Variants in TRMT5 observed in about 807,000 individuals in gnomAD.
TRMT5 encodes the protein tRNA (guanine(37)-N(1))-methyltransferase.
A neutral mutation model predicts 42.2 loss-of-function variants in TRMT5; 31 were observed. The ratio of observed to expected loss-of-function variants is 0.73; its 90% CI spans 0.55 to 0.99. The LOEUF (loss-of-function observed/expected upper bound fraction) is 0.99, where lower values mean the gene tolerates loss of function less well. Ranked by LOEUF, TRMT5 falls within the 50% of genes least tolerant of loss-of-function variation. TRMT5 has a pLI of 0.00. For missense variants in TRMT5, 568 were observed against 595.0 expected (o/e 0.95, Z 0.47); for synonymous variants, 198 against 209.6 (o/e 0.94, Z 0.48).
intron 1 of TRMT5, 121 bp downstream of exon 1, chr14:60,980,842 A>G (rs2139649067): frequency 6.9e-7 from 1 of 1,457,640 alleles, no homozygotes; most frequent in Non-Finnish European, 9.5e-7. Flanking sequence ...TAAGCTCAGC[A>G]CCTAGGCGGG....
In TRMT5 at chr14:60,979,412, A is replaced by G. The variant is rs749718907; in HGVS notation, c.486T>C (p.Leu162=). ...ATTTAGAGATCTGTGGACTGACATT[A>G]AGCTGCTCTAAAACACTGAGTTCTG... ...EKAELSVLEQ[L]NVSPQISKYN... The change falls in exon 2 of 5, where the codon CTT becomes CTC. Residue 162 remains leucine, a synonymous_variant. Coordinates refer to ENST00000261249, the MANE Select transcript of TRMT5 (RefSeq NM_020810.3). 5.0e-6 allele frequency: 8 copies of G among 1,614,138 alleles called. No individual in the cohort carries two copies. The Admixed American group carries it at 1.3e-4, about 27-fold the overall frequency.
In TRMT5 at chr14:60,976,124, A is replaced by T; in HGVS notation, c.795T>A (p.Val265=). The change falls in exon 4 of 5, where the codon GTT becomes GTA. Residue 265 remains valine, a splice_region_variant and synonymous_variant. Coordinates refer to ENST00000261249, the MANE Select transcript of TRMT5 (RefSeq NM_020810.3). The part of the protein sequence containing the change: ...LSGEQNMMTK[V]RENNYTYEFD... ...ATTCATAGGTGTAGTTGTTTTCTCG[A>T]ACCTGAAAAAAGGTGTTATGCTTTT... 1 of 1,600,276 alleles carries T rather than the reference A, an allele frequency of 6.2e-7. No individual in the cohort carries two copies. The highest frequency in any genetic ancestry group is 8.5e-7 in the Non-Finnish European group (1 of 1,173,490).
intron 2 of TRMT5, 78 bp from the exon 3 acceptor site, chr14:60,977,716 A>G (rs2036865493): frequency 7.2e-7 from 1 of 1,386,986 alleles, no homozygotes; most frequent in Admixed American, 2.4e-5. Flanking sequence ...ATGAAACAGA[A>G]ATGAGTTGTA....
chr14:60,979,847 C>T lies in TRMT5; in HGVS notation c.51G>A (p.Leu17=), dbSNP rs755289055. ...WRPFGFSGRF[L]KLESHSITES... ...CAGTTATGCTATGGCTTTCCAGTTTCAGAAATCTTCCTGAGAATCCAAATG... is the reference window on the plus strand; with the variant it reads ...CAGTTATGCTATGGCTTTCCAGTTTTAGAAATCTTCCTGAGAATCCAAATG... Residue 17 remains leucine (L), a synonymous_variant, in exon 2 of 5, where the codon CTG becomes CTA. Coordinates refer to ENST00000261249, the MANE Select transcript of TRMT5 (RefSeq NM_020810.3). 1 of 1,587,018 alleles carries T rather than the reference C, an allele frequency of 6.3e-7. No individual in the cohort carries two copies. Among genetic ancestry groups the T allele is most frequent in the East Asian group, 2.3e-5 (1 of 44,252 alleles).
chr14:60,978,494 G>A (rs1401605455), intron 2 of TRMT5, among the ~76,000 whole-genome samples: 3 of 152,170 alleles, frequency 2.0e-5, no homozygotes, highest in Non-Finnish European at 4.4e-5. Flanking sequence ...AGTTTGAAAT[G>A]AGGAATGAAA....
chr14:60,971,588 G>A lies in TRMT5; in HGVS notation c.*3521C>T, dbSNP rs1958281. On this transcript the variant is annotated 3_prime_UTR_variant, in exon 5 of 5. Transcript: ENST00000261249. ...TTCAATGGACTACCAAAAATCAGCC[G>A]CTATAAAACCCAATGAAGTCCTCAT... 0.92 allele frequency: 163,835 copies of A among 177,264 alleles called. 76,318 individuals are homozygous for A. Among genetic ancestry groups the A allele is most frequent in the Non-Finnish European group, 0.99 (85,640 of 86,824 alleles). 11.0% of individuals were successfully genotyped at this position (177,264 alleles called of 1,614,324 possible). A position where few individuals can be genotyped will look rare whatever the true frequency, so the allele number is the denominator to read the frequency against.
chr14:60,979,315 C>CT lies in TRMT5; in HGVS notation c.582dup (p.Asp195ArgfsTer7). The CT allele has an allele frequency of 2.5e-6, 4 of 1,614,088 alleles. No homozygotes were observed. Among genetic ancestry groups the CT allele is most frequent in the Non-Finnish European group, 3.4e-6 (4 of 1,179,982 alleles). On this transcript the variant is annotated frameshift_variant, in exon 2 of 5. Coordinates refer to ENST00000261249, the MANE Select transcript of TRMT5 (RefSeq NM_020810.3). LOFTEE classifies it high-confidence loss of function. ...ATCCTGCTAAACCCTGAAGTTACAT[C>CT]TTGACCTTCAGGAAGCACAGCTCTC...
At position 60,980,714 on chromosome 14, in the gene TRMT5, T is replaced by G. The variant is rs113734018; in HGVS notation, c.11+249A>C. The G allele has an allele frequency of 1.9e-3, 1,136 of 602,346 alleles. 15 individuals are homozygous for G. The highest frequency in any genetic ancestry group is 0.018 in the African/African-American group (953 of 54,212). The allele number at this position is 602,346 out of a possible 1,614,324, so 37.3% of individuals were successfully genotyped here. On this transcript the variant is annotated intron_variant, in intron 1 of 4. Transcript: ENST00000261249. ...ACTTCACCGTCAGAGATCAAATTGG[T>G]TCTAGCAGCTGACCAGCTGGGTGAC...
rs1279590179 is a variant in TRMT5 at position 60,973,736 on chromosome 14, T to C, written c.*1373A>G. On this transcript the variant is annotated 3_prime_UTR_variant, in exon 5 of 5. Coordinates refer to ENST00000261249, the MANE Select transcript of TRMT5 (RefSeq NM_020810.3). ...CTATTTATGTCGCTTTCAATGTCCT[T>C]AACTCTTTAAGCAACTGTTCTTGCC... 6.6e-6 allele frequency: 1 copy of C among 152,244 alleles called. No individual in the cohort carries two copies. Among genetic ancestry groups the C allele is most frequent in the Non-Finnish European group, 1.5e-5 (1 of 68,050 alleles). The allele number at this position is 152,244 out of a possible 1,614,324, so 9.4% of individuals were successfully genotyped here. A position where few individuals can be genotyped will look rare whatever the true frequency, so the allele number is the denominator to read the frequency against.
In TRMT5 at chr14:60,975,165, G is replaced by A; in HGVS notation, c.1474C>T (p.Gln492Ter). The change falls in exon 5 of 5, where the codon CAG (glutamine) becomes TAG (stop). Residue 492 changes from glutamine to a stop codon, truncating the protein, a stop_gained. Coordinates refer to ENST00000261249, the MANE Select transcript of TRMT5 (RefSeq NM_020810.3). LOFTEE classifies it high-confidence loss of function. Reference protein sequence around the residue: ...ENHEDPPLKRQRTAEAFSDEK... With the variant: ...ENHEDPPLKR ...TCTGAAAAGGCTTCAGCCGTCCTCTGCCTTTTAAGAGGTGGATCTTCATGA... is the reference window on the plus strand; with the variant it reads ...TCTGAAAAGGCTTCAGCCGTCCTCTACCTTTTAAGAGGTGGATCTTCATGA... 6.2e-7 allele frequency: 1 copy of A among 1,608,520 alleles called. No individual in the cohort carries two copies. Among genetic ancestry groups the A allele is most frequent in the Non-Finnish European group, 8.5e-7 (1 of 1,178,236 alleles).
rs191207997 is a variant in TRMT5 at position 60,979,257 on chromosome 14, T to C, written c.641A>G (p.His214Arg). 458 of 1,608,092 alleles carry C rather than the reference T, an allele frequency of 2.8e-4. No homozygotes were observed. The highest frequency in any genetic ancestry group is 2.9e-4 in the Non-Finnish European group (336 of 1,177,006). ...GHIAHLNLRDHQLPFKHLIGQ... is the reference protein window; with the variant it reads ...GHIAHLNLRDRQLPFKHLIGQ... ...AATTAAATGTTTGAAAGGCAGCTGA[T>C]GATCTCGAAGGTTTAGGTGTGCAAT... The change falls in exon 2 of 5, where the codon CAT becomes CGT. Residue 214 changes from histidine to arginine, a missense_variant. His to Arg is a conservative substitution (Grantham distance 29, BLOSUM62 0). Coordinates refer to ENST00000261249, the MANE Select transcript of TRMT5 (RefSeq NM_020810.3).
rs2036810860 is a variant in TRMT5, at chr14:60,973,877, G to C, written c.*1232C>G. ...GCTTGGCTAACAAATGATTGACTTA[G>C]AGACTTACTGTTGTTGCAGCCTCAT... On this transcript the variant is annotated 3_prime_UTR_variant, in exon 5 of 5. Transcript: ENST00000261249. The C allele has an allele frequency of 6.6e-6, 1 of 152,174 alleles. No individual in the cohort carries two copies. Among genetic ancestry groups the C allele is most frequent in the Non-Finnish European group, 1.5e-5 (1 of 68,036 alleles). 9.4% of individuals were successfully genotyped at this position (152,174 alleles called of 1,614,324 possible). A position where few individuals can be genotyped will look rare whatever the true frequency, so the allele number is the denominator to read the frequency against.
Position 60,975,731 on chromosome 14 carries a change from A to G in TRMT5, c.1188T>C (p.Leu396=). 2 of 1,614,234 alleles carry G rather than the reference A, an allele frequency of 1.2e-6. No homozygotes were observed. The highest frequency in any genetic ancestry group is 8.5e-7 in the Non-Finnish European group (1 of 1,180,034). Reference sequence around the variant, plus strand: ...CATCTAAAAGCCACTTGAAAGCACTAAGAAACTCTATAGCTTTTGCTGGCA... The same window carrying G: ...CATCTAAAAGCCACTTGAAAGCACTGAGAAACTCTATAGCTTTTGCTGGCA... ...MNLPAKAIEF[L]SAFKWLLDGQ... The change falls in exon 4 of 5, where the codon CTT becomes CTC. Residue 396 remains leucine (L), a synonymous_variant. Transcript: ENST00000261249.
At chr14:60,977,405 T>A in intron 3 of TRMT5, 109 bp downstream of exon 3, 1 of 1,130,504 alleles carries the variant, frequency 8.8e-7, no homozygotes. Context: ...GATCACATTC[T>A]CACATACTCA....
chr14:60,972,376 TAGCAGACAAC>T lies in TRMT5; in HGVS notation c.*2723_*2732del. ...GGCTCTGGCTTTGGAGGAGCAGGTT[TAGCAGACAAC>T]CTCGCAGATCTTCTCTGTGATTCAT... On this transcript the variant is annotated 3_prime_UTR_variant, in exon 5 of 5. Transcript: ENST00000261249. 1.8e-6 allele frequency: 1 copy of T among 543,330 alleles called. No homozygotes were observed. Among genetic ancestry groups the T allele is most frequent in the Non-Finnish European group, 3.7e-6 (1 of 269,212 alleles). 33.7% of individuals were successfully genotyped at this position (543,330 alleles called of 1,614,324 possible).
upstream of TRMT5, chr14:60,981,502 C>G: frequency 3.9e-6 from 6 of 1,535,500 alleles, no homozygotes; most frequent in South Asian, 7.2e-5. Flanking sequence ...GAGCCTGAAC[C>G]CTGGGGGATG....
Position 60,977,616 on chromosome 14 carries a change from A to G in TRMT5, c.690T>C (p.Asn230=), listed in dbSNP as rs891199991. The part of the protein sequence containing the change: ...HLIGQVMIDK[N]PGITSAVNKI... ...TATTTACTGCTGAGGTGATTCCTGG[A>G]TTTTTGTCAATCATAACCTGGCCTA... Residue 230 remains asparagine (N), a synonymous_variant, in exon 3 of 5, where the codon AAT becomes AAC. Coordinates refer to ENST00000261249, the MANE Select transcript of TRMT5 (RefSeq NM_020810.3). The G allele has an allele frequency of 3.7e-6, 6 of 1,607,332 alleles. No homozygotes were observed. The highest frequency in any genetic ancestry group is 5.1e-6 in the Non-Finnish European group (6 of 1,176,976).
intron 1 of TRMT5, 140 bp downstream of exon 1, chr14:60,980,823 C>T (rs757258814): frequency 7.8e-7 from 1 of 1,283,878 alleles, no homozygotes; most frequent in Admixed American, 1.9e-5. Flanking sequence ...CTATCCAGAA[C>T]CTCGAAACTA....
chr14:60,971,989 A>G lies in TRMT5; in HGVS notation c.*3120T>C. On this transcript the variant is annotated 3_prime_UTR_variant, in exon 5 of 5. Transcript: ENST00000261249. Reference sequence around the variant, plus strand: ...TGGCCATGTGTGTCAAAGTCAGGAAATCCCTCCTCCTGGGAGCCAAGAGGA... The same window carrying G: ...TGGCCATGTGTGTCAAAGTCAGGAAGTCCCTCCTCCTGGGAGCCAAGAGGA... 1 of 265,678 alleles carries G rather than the reference A, an allele frequency of 3.8e-6. No individual in the cohort carries two copies. The allele number at this position is 265,678 out of a possible 1,614,324, so 16.5% of individuals were successfully genotyped here.
Sources: allele counts gnomAD v4.1 joint callset (sites outside exome capture counted in the v4.1 genomes callset), GRCh38; gene constraint gnomAD v4.1.1; transcripts MANE v1.5; gene names NCBI Gene and HGNC (gene_info 2026-07-23, HGNC 2026-07-21).